Variants in NOS3 observed in about 807,000 individuals in gnomAD.
NOS3 encodes NOS type III.
A neutral mutation model predicts 144.9 loss-of-function variants in NOS3; 98 were observed. That is an observed-to-expected ratio of 0.68 (90% confidence interval 0.57 to 0.80). NOS3 has a LOEUF of 0.80. Ranked by LOEUF, NOS3 falls within the 30% of genes least tolerant of loss-of-function variation. NOS3 has a pLI of 0.00. For synonymous variants in NOS3, 714 were observed against 702.4 expected (o/e 1.02, Z -0.26); for missense variants, 1,465 against 1,656.4 (o/e 0.88, Z 2.01).
At chr7:150,995,662 A>C (rs980318335) in intron 3 of NOS3, among the ~76,000 whole-genome samples, 8 of 162 alleles carry the variant, frequency 0.049, no homozygotes, top group Non-Finnish European at 0.087. Flanking sequence ...TCCCTCTCCC[A>C]CCCCTGCACC....
chr7:150,991,974 C>A (rs1285818378), intron 1 of NOS3, among the ~76,000 whole-genome samples: 1 of 144,600 alleles, frequency 6.9e-6, no homozygotes, highest in Non-Finnish European at 1.5e-5. Flanking sequence ...CCAGCCTGGA[C>A]AACAAAAGCG....
chr7:151,000,934 GGAGTCGTAGTTT>G (rs1305791472), intron 10 of NOS3, among the ~76,000 whole-genome samples: 1 of 152,200 alleles, frequency 6.6e-6, no homozygotes, highest in Non-Finnish European at 1.5e-5. Flanking sequence ...GGGCACACCA[GGAGTCGTAGTTT>G]GAGGAAGCCG....
rs1467233407 is a variant in NOS3 at position 151,002,805 on chromosome 7, A to T, written c.1752+501A>T. ...ACAACATGTGCAACACTATTCCAGC[A>T]TTTTATTTTATTTGTTTTATTTATT... On this transcript the variant is annotated intron_variant, in intron 14 of 26. Transcript: ENST00000297494. The surrounding 1 kb of genome is among the most constrained non-coding windows in gnomAD (Gnocchi z 4.1). The T allele has an allele frequency of 6.9e-6, 1 of 144,858 alleles. No individual in the cohort carries two copies. 9.0% of individuals were successfully genotyped at this position (144,858 alleles called of 1,614,324 possible). A position where few individuals can be genotyped will look rare whatever the true frequency, so the allele number is the denominator to read the frequency against.
intron 15 of NOS3, 105 bp downstream of exon 15, chr7:151,006,599 C>G: frequency 9.7e-7 from 1 of 1,029,078 alleles, no homozygotes; most frequent in South Asian, 1.4e-5. Context: ...AAGTCGTTTT[C>G]CCACCAAAAG....
chr7:151,006,527 G>T, intron 15 of NOS3, 33 bp downstream of exon 15: 2 of 1,563,010 alleles, frequency 1.3e-6, no homozygotes, highest in Non-Finnish European at 1.8e-6. Flanking sequence ...GGAGCTGGGG[G>T]AGCTGATGCA....
In NOS3 at chr7:150,993,602, T is replaced by C. The variant is rs1363205091; in HGVS notation, c.-51-151T>C. Among the ~76,000 whole-genome samples, 1 of 152,076 alleles carries C rather than the reference T, an allele frequency of 6.6e-6. No homozygotes were observed. Among genetic ancestry groups the C allele is most frequent in the African/African-American group, 2.4e-5 (1 of 41,414 alleles). Reference sequence around the variant, plus strand: ...ACCCAGGCGTCCGGCCCCCCACCCTTCAGGCCAGCGGGCGTGGAGCTGAGG... The same window carrying C: ...ACCCAGGCGTCCGGCCCCCCACCCTCCAGGCCAGCGGGCGTGGAGCTGAGG... On this transcript the variant is annotated intron_variant, in intron 1 of 26. Transcript: ENST00000297494. This position sits in a 1 kb window ranked among gnomAD's most constrained non-coding sequence, Gnocchi z 4.0.
intron 10 of NOS3, among the ~76,000 whole-genome samples, 180 bp downstream of exon 10, chr7:151,000,779 T>A (rs556054837): frequency 2.6e-5 from 4 of 152,316 alleles, no homozygotes; most frequent in Non-Finnish European, 4.4e-5. Flanking sequence ...GGGCAGGTAC[T>A]ATTCCAGGCG....
chr7:150,994,010 G>C (rs1802313157), intron 2 of NOS3, 49 bp downstream of exon 2: 2 of 1,520,596 alleles, frequency 1.3e-6, no homozygotes, highest in South Asian at 2.5e-5. Context: ...GTGGTGTCAA[G>C]GCCTGAAGCC....
At chr7:151,011,901 A>G in intron 23 of NOS3, 1 of 399,058 alleles carries the variant, frequency 2.5e-6, no homozygotes, top group Non-Finnish European at 5.0e-6. Context: ...CCAGGAACCA[A>G]AAGTCCTGGT....
Position 151,001,213 on chromosome 7 carries a change from C to A in NOS3, c.1234-18C>A. 5.0e-6 allele frequency: 8 copies of A among 1,610,770 alleles called. No individual in the cohort carries two copies. The highest frequency in any genetic ancestry group is 6.8e-6 in the Non-Finnish European group (8 of 1,179,610). ...TGTGGGTCTGGTTTGAGCCTCTCCCCCTCTCTCTCCCTTCCAGCTAGCCAA... is the reference window on the plus strand; with the variant it reads ...TGTGGGTCTGGTTTGAGCCTCTCCCACTCTCTCTCCCTTCCAGCTAGCCAA... On this transcript the variant is annotated intron_variant, in intron 10 of 26. Transcript: ENST00000297494.
chr7:150,998,400 C>T lies in NOS3; in HGVS notation c.626C>T (p.Thr209Ile), dbSNP rs1462443493. 2 of 1,612,572 alleles carry T rather than the reference C, an allele frequency of 1.2e-6. No homozygotes were observed. Among genetic ancestry groups the T allele is most frequent in the Non-Finnish European group, 1.7e-6 (2 of 1,179,874 alleles). Residue 209 changes from threonine to isoleucine, a missense_variant, in exon 6 of 27, where the codon ACC (threonine) becomes ATC (isoleucine). Around this residue, in one of 5 missense-constraint regions of NOS3, gnomAD observed 374 missense variants for 377.0 expected, o/e 0.99. Transcript: ENST00000297494. This position sits in a 1 kb window ranked among gnomAD's most constrained non-coding sequence, Gnocchi z 5.0. ...TGCAGGTCTGCACAGGAAATGTTCA[C>T]CTACATCTGCAACCACATCAAGTAT... ...RDCRSAQEMF[T>I]YICNHIKYAT... is the part of the protein sequence containing the mutation.
In NOS3 at chr7:151,013,913, C is replaced by G; in HGVS notation, c.3445C>G (p.Leu1149Val). ...LDEAGDVIGV[L>V]RDQQRYHEDI... Reference sequence around the variant, plus strand: ...CGAGGCCGGCGACGTCATCGGCGTGCTGCGGGTGCGGAGGGGCGGGCCGGG... The same window carrying G: ...CGAGGCCGGCGACGTCATCGGCGTGGTGCGGGTGCGGAGGGGCGGGCCGGG... Residue 1149 changes from leucine (L) to valine (V), a missense_variant, in exon 26 of 27, where the codon CTG becomes GTG. By Grantham distance (32) the Leu-to-Val change is conservative (BLOSUM62 1). This residue lies in a region of NOS3 where 228 missense variants were observed against 227.7 expected (regional missense o/e 1.00). Coordinates refer to ENST00000297494, the MANE Select transcript of NOS3 (RefSeq NM_000603.5). The G allele has an allele frequency of 6.3e-7, 1 of 1,599,710 alleles. No individual in the cohort carries two copies. The highest frequency in any genetic ancestry group is 8.5e-7 in the Non-Finnish European group (1 of 1,173,314).
chr7:151,007,639 C>A (rs1252783746), intron 17 of NOS3, among the ~76,000 whole-genome samples: 1 of 152,168 alleles, frequency 6.6e-6, no homozygotes, highest in Non-Finnish European at 1.5e-5. Context: ...AAGGAAGGGA[C>A]AGAGAGAAGG....
chr7:150,995,050 G>A (rs976261871), intron 2 of NOS3, among the ~76,000 whole-genome samples, 153 bp from the exon 3 acceptor site: 6 of 152,278 alleles, frequency 3.9e-5, no homozygotes, highest in African/African-American at 7.2e-5. Flanking sequence ...GGCACAGCTC[G>A]CCTCTAGCTC....
In NOS3 at chr7:151,013,775, G is replaced by A. The variant is rs765463421; in HGVS notation, c.3307G>A (p.Val1103Met). The change falls in exon 26 of 27, where the codon GTG becomes ATG. Residue 1103 changes from valine (V) to methionine (M), a missense_variant. Physicochemically the swap from Val to Met is conservative, Grantham distance 21. Coordinates refer to ENST00000297494, the MANE Select transcript of NOS3 (RefSeq NM_000603.5). ...RTELAAEVHR[V>M]LCLERGHMFV... The stretch of plus-strand genomic sequence containing the variant: ...GGAGCTGGCTGCGGAGGTGCACCGC[G>A]TGCTGTGCCTCGAGCGGGGCCACAT... The A allele has an allele frequency of 3.1e-6, 5 of 1,611,524 alleles. No homozygotes were observed. The African/African-American group carries it at 5.3e-5, about 17-fold the overall frequency.
chr7:151,012,344 C>T lies in NOS3; in HGVS notation c.2985-7C>T. On this transcript the variant is annotated splice_polypyrimidine_tract_variant and splice_region_variant and intron_variant, in intron 23 of 26. Coordinates refer to ENST00000297494, the MANE Select transcript of NOS3 (RefSeq NM_000603.5). ...AAGGGGACCTGATGGAGTGTCTCTC[C>T]TGCCAGGGCTCCCTCCTTCCGGCTG... is the stretch of plus-strand genomic sequence containing the variant. 1 of 1,552,894 alleles carries T rather than the reference C, an allele frequency of 6.4e-7. No individual in the cohort carries two copies. Among genetic ancestry groups the T allele is most frequent in the Non-Finnish European group, 8.7e-7 (1 of 1,146,898 alleles).
In NOS3 at chr7:151,013,763, G is replaced by A. The variant is rs773162216; in HGVS notation, c.3295G>A (p.Glu1099Lys). 9.9e-6 allele frequency: 16 copies of A among 1,611,214 alleles called. No individual in the cohort carries two copies. The Admixed American group carries it at 1.2e-4, about 12-fold the overall frequency. Residue 1099 changes from glutamate (E) to lysine (K), a missense_variant, in exon 26 of 27, where the codon GAG (glutamate) becomes AAG (lysine). Glu to Lys is a moderately conservative substitution (Grantham distance 56). Around this residue, in one of 5 missense-constraint regions of NOS3, gnomAD observed 228 missense variants for 227.7 expected, o/e 1.00. Coordinates refer to ENST00000297494, the MANE Select transcript of NOS3 (RefSeq NM_000603.5). ...CATCCTGAGGACGGAGCTGGCTGCG[G>A]AGGTGCACCGCGTGCTGTGCCTCGA... ...QDILRTELAA[E>K]VHRVLCLERG... is the part of the protein sequence containing the mutation.
At chr7:151,010,343 G>A (rs925646284) in intron 21 of NOS3, 56 bp downstream of exon 21, 25 of 1,500,714 alleles carry the variant, frequency 1.7e-5, no homozygotes, top group Admixed American at 4.1e-5. Context: ...GAGCTGGGGG[G>A]ACCCCAGTGG....
rs1802506228 is a variant in NOS3 at position 150,999,075 on chromosome 7, G to C, written c.946G>C (p.Glu316Gln). 1 of 1,612,538 alleles carries C rather than the reference G, an allele frequency of 6.2e-7. No homozygotes were observed. The highest frequency in any genetic ancestry group is 1.3e-5 in the African/African-American group (1 of 74,912). Residue 316 changes from glutamate (E) to glutamine (Q), a missense_variant, in exon 8 of 27, where the codon GAG becomes CAG. Glu to Gln is a conservative substitution (Grantham distance 29). Transcript: ENST00000297494. ...PPELVLEVPL[E>Q]HPTLEWFAAL... ...CGAGCTGGTCCTTGAGGTGCCCCTG[G>C]AGCACCCCACGTGAGCACCAAAGGG...
Sources: gnomAD v4.1 joint callset for allele counts (sites outside exome capture counted in the v4.1 genomes callset) on GRCh38, gnomAD v4.1.1 for gene constraint, gnomAD v4.1.1 regional missense constraint, Gnocchi (gnomAD v3.1) non-coding constraint, MANE v1.5 for transcripts, NCBI Gene and HGNC (gene_info 2026-07-23, HGNC 2026-07-21) for gene names.